The following ZBTB20 variants were observed in gnomAD, a reference collection of about 807,000 sequenced individuals.
ZBTB20 encodes the protein zinc finger and BTB domain containing 20.
In ZBTB20, 9 loss-of-function variants were observed where a neutral mutation model predicts 56.9. That is an observed-to-expected ratio of 0.16 (90% CI 0.10 to 0.28). ZBTB20 has a LOEUF of 0.28. Ranked by LOEUF, ZBTB20 falls within the 10% of genes least tolerant of loss-of-function variation. The probability of loss-of-function intolerance (pLI) is 1.00; values close to 1 mark genes in which losing one functional copy is unlikely to be tolerated. For missense variants in ZBTB20, 655 were observed against 1,003.0 expected (o/e 0.65, Z 4.69); for synonymous variants, 417 against 420.7 (o/e 0.99, Z 0.11).
At position 114,503,955 on chromosome 3, in the gene ZBTB20, C is replaced by A. The variant is rs181511156; in HGVS notation, c.-294-3564G>T. Among the ~76,000 whole-genome samples the A allele has an allele frequency of 1.7e-3, 253 of 152,196 alleles. 3 individuals carry two copies. The highest frequency in any genetic ancestry group is 5.9e-3 in the African/African-American group (243 of 41,522). ...TTCTCCAGAAAACTCCTCAAAAACA[C>A]CAAGTTTCAAGGAACTCCTAGACTC... On this transcript the variant is annotated intron_variant, in intron 6 of 11. Transcript: ENST00000675478.
At chr3:114,390,824 C>T (rs529824186) in intron 7 of ZBTB20, among the ~76,000 whole-genome samples, 45 of 152,310 alleles carry the variant, frequency 3.0e-4, no homozygotes, top group African/African-American at 1.1e-3. Context: ...AAGTTCACAT[C>T]GCCATCAAAT....
chr3:114,377,198 A>G (rs779369012), intron 10 of ZBTB20, among the ~76,000 whole-genome samples: 2 of 152,148 alleles, frequency 1.3e-5, no homozygotes, highest in Non-Finnish European at 2.9e-5. Flanking sequence ...GCCTTCCATT[A>G]TCACCATGTG....
chr3:114,785,868 T>C (rs2070445662), intron 5 of ZBTB20, among the ~76,000 whole-genome samples: 1 of 152,166 alleles, frequency 6.6e-6, no homozygotes, highest in Admixed American at 6.6e-5. Flanking sequence ...TGCTGTATAT[T>C]TGATCACCAT....
chr3:114,511,638 G>A (rs2045403464), intron 6 of ZBTB20, among the ~76,000 whole-genome samples: 1 of 152,044 alleles, frequency 6.6e-6, no homozygotes, highest in Non-Finnish European at 1.5e-5. Context: ...TGAACAGTTA[G>A]TACAAGGGAA....
chr3:114,398,281 TTG>T (rs2086510444), intron 7 of ZBTB20, among the ~76,000 whole-genome samples: 1 of 152,306 alleles, frequency 6.6e-6, no homozygotes, highest in Admixed American at 6.5e-5. Context: ...GGTAGGAACC[TTG>T]TTTTATACAC....
chr3:114,839,461 A>AAGAGAGAG (rs2074280345), intron 4 of ZBTB20, among the ~76,000 whole-genome samples: 1 of 150,970 alleles, frequency 6.6e-6, no homozygotes, highest in African/African-American at 2.4e-5. Flanking sequence ...GAAAGAAAGA[A>AAGAGAGAG]AGAAAGAGAG....
At chr3:114,973,021 C>T (rs2077951868) in intron 3 of ZBTB20, among the ~76,000 whole-genome samples, 1 of 152,074 alleles carries the variant, frequency 6.6e-6, no homozygotes, top group African/African-American at 2.4e-5. Context: ...ATATTTCTAA[C>T]TTTAATAGCT....
chr3:114,631,178 C>T (rs1221590373), intron 6 of ZBTB20, among the ~76,000 whole-genome samples: 1 of 151,974 alleles, frequency 6.6e-6, no homozygotes, highest in Non-Finnish European at 1.5e-5. Flanking sequence ...ATGTATGCAT[C>T]AGTGATCTCA....
At chr3:114,372,667 T>C (rs1477167036) in intron 10 of ZBTB20, among the ~76,000 whole-genome samples, 2 of 151,256 alleles carry the variant, frequency 1.3e-5, no homozygotes, top group African/African-American at 4.9e-5. Context: ...ACCTCTAAAA[T>C]ACAAACAAAC....
In ZBTB20 at chr3:114,351,116, T is replaced by C; in HGVS notation, c.962A>G (p.Gln321Arg). The change falls in exon 11 of 12, where the codon CAG becomes CGG. Residue 321 changes from glutamine to arginine, a missense_variant. Coordinates refer to ENST00000675478, the MANE Select transcript of ZBTB20 (RefSeq NM_001348800.3). ...CRKQPRPVRI[Q>R]TLVGNIHIKQ... ...GATGTGGATGTTGCCCACTAGGGTC[T>C]GGATGCGCACAGGCCGGGGCTGCTT... 6.2e-7 allele frequency: 1 copy of C among 1,607,946 alleles called. No individual in the cohort carries two copies. The highest frequency in any genetic ancestry group is 8.5e-7 in the Non-Finnish European group (1 of 1,179,740).
At chr3:114,626,934 C>T (rs546811697) in intron 6 of ZBTB20, among the ~76,000 whole-genome samples, 1 of 152,270 alleles carries the variant, frequency 6.6e-6, no homozygotes, top group Admixed American at 6.5e-5. Flanking sequence ...AACACAATTC[C>T]GGATGTGCTC....
chr3:114,951,400 G>C (rs941077276), intron 3 of ZBTB20, among the ~76,000 whole-genome samples: 2 of 152,058 alleles, frequency 1.3e-5, no homozygotes, highest in Non-Finnish European at 2.9e-5. Context: ...CAGAGAAAAA[G>C]GGGCTGCAGA....
At chr3:114,781,876 A>G (rs2070127256) in intron 5 of ZBTB20, among the ~76,000 whole-genome samples, 1 of 152,094 alleles carries the variant, frequency 6.6e-6, no homozygotes, top group Non-Finnish European at 1.5e-5. Flanking sequence ...CTGCCATGTA[A>G]GATGTGACTT....
chr3:114,820,405 A>AT (rs1348927420), intron 4 of ZBTB20, among the ~76,000 whole-genome samples: 4 of 152,080 alleles, frequency 2.6e-5, no homozygotes, highest in Non-Finnish European at 5.9e-5. Context: ...ATATATAAAC[A>AT]CCTGTACACT....
chr3:114,670,125 A>G (rs1399975745), intron 6 of ZBTB20, among the ~76,000 whole-genome samples: 1 of 152,086 alleles, frequency 6.6e-6, no homozygotes, highest in Non-Finnish European at 1.5e-5. Context: ...TGAAGTTGAC[A>G]TTCATAAGAG....
chr3:115,101,768 T>C (rs980966179), intron 1 of ZBTB20, among the ~76,000 whole-genome samples: 7 of 152,186 alleles, frequency 4.6e-5, no homozygotes, highest in Non-Finnish European at 7.4e-5. Context: ...ATCCTAAGTA[T>C]ATGAATTGTA....
At chr3:115,112,952 A>C (rs1576797061) in intron 1 of ZBTB20, among the ~76,000 whole-genome samples, 1 of 152,092 alleles carries the variant, frequency 6.6e-6, no homozygotes, top group African/African-American at 2.4e-5. Context: ...CCTTACCAGC[A>C]TCTGTTATTT....
rs545398189 is a variant in ZBTB20 at position 114,364,299 on chromosome 3, A to G, written c.200-12421T>C. ...AAACCTCGTCTCTTCTAAAAATACA[A>G]AATTAGCTGGGCATGGTGGCGCATG... On this transcript the variant is annotated intron_variant, in intron 10 of 11. Coordinates refer to ENST00000675478, the MANE Select transcript of ZBTB20 (RefSeq NM_001348800.3). 5.9e-5 allele frequency among the ~76,000 whole-genome samples: 9 copies of G among 152,244 alleles called. No individual in the cohort carries two copies. In the East Asian group the frequency reaches 1.7e-3, roughly 29 times the overall value.
chr3:114,925,416 CAT>C lies in ZBTB20; in HGVS notation c.-455-25076_-455-25075del, dbSNP rs1277618521. ...TAATTTTTTTGCCTAGTAATTCCAA[CAT>C]GTGGGTGATTTTAAGATTGTCATCT... On this transcript the variant is annotated intron_variant, in intron 3 of 11. Coordinates refer to ENST00000675478, the MANE Select transcript of ZBTB20 (RefSeq NM_001348800.3). 3.3e-4 allele frequency among the ~76,000 whole-genome samples: 50 copies of C among 152,176 alleles called. 1 individual carries two copies. The highest frequency in any genetic ancestry group is 3.2e-3 in the Middle Eastern group (1 of 316).
Sources: gnomAD v4.1 joint callset for allele counts (sites outside exome capture counted in the v4.1 genomes callset) on GRCh38, gnomAD v4.1.1 for gene constraint, MANE v1.5 for transcripts, NCBI Gene and HGNC (gene_info 2026-07-23, HGNC 2026-07-21) for gene names.